The following SEL1L3 variants were observed in gnomAD, a reference collection of about 807,000 sequenced individuals.
SEL1L3 encodes SEL1L family member 3.
A neutral mutation model predicts 142.8 loss-of-function variants in SEL1L3; 76 were observed. The ratio of observed to expected loss-of-function variants is 0.53; its 90% CI spans 0.44 to 0.64. The LOEUF is 0.64. SEL1L3 is among the 30% of genes least tolerant of loss of function. The pLI is 0.00. For missense variants in SEL1L3, 1,262 were observed against 1,381.7 expected, an observed-to-expected ratio of 0.91 and a Z score of 1.37; for synonymous variants, 504 against 519.6, an observed-to-expected ratio of 0.97 and a Z score of 0.41.
chr4:25,789,276 G>A (rs940317707), intron 12 of SEL1L3, among the ~76,000 whole-genome samples: 12 of 152,122 alleles, frequency 7.9e-5, no homozygotes, highest in African/African-American at 2.9e-4. Context: ...ATAGAGAGGA[G>A]GGAGACCTGT....
chr4:25,742,085 T>G, the SEL1L3 span, among the ~76,000 whole-genome samples: 4 of 152,116 alleles, frequency 2.6e-5, no homozygotes, highest in Non-Finnish European at 1.5e-5. Flanking sequence ...TTGCTGGGAT[T>G]ACAAGCGTGA....
chr4:25,758,792 G>T, intron 21 of SEL1L3, 149 bp downstream of exon 21: 1 of 794,808 alleles, frequency 1.3e-6, no homozygotes, highest in Non-Finnish European at 1.8e-6. Flanking sequence ...GGGATTACAA[G>T]TATGAGCCAC....
chr4:25,851,121 G>A (rs1156711518), intron 1 of SEL1L3, among the ~76,000 whole-genome samples: 11 of 152,132 alleles, frequency 7.2e-5, no homozygotes, highest in Admixed American at 5.9e-4. Context: ...AAAGTGCTGG[G>A]ATTACAGGCG....
Position 25,776,296 on chromosome 4 carries a change from C to A in SEL1L3, c.2650G>T (p.Ala884Ser). The A allele has an allele frequency of 1.2e-6, 2 of 1,612,012 alleles. No individual in the cohort carries two copies. Among genetic ancestry groups the A allele is most frequent in the Non-Finnish European group, 1.7e-6 (2 of 1,178,476 alleles). The change falls in exon 17 of 24, where the codon GCC becomes TCC. Residue 884 changes from alanine (A) to serine (S), a missense_variant. Physicochemically the swap from Ala to Ser is moderately conservative, Grantham distance 99. Around this residue, in one of 3 missense-constraint regions of SEL1L3, gnomAD observed 435 missense variants for 559.2 expected, o/e 0.78. Transcript: ENST00000399878. ...GCTTACCATGAACCTTCCAGGTAGG[C>A]ATTGAGGCCTTTGCGGATGACATGG... ...LGHVIRKGLN[A>S]YLEGSWHEAL...
intron 16 of SEL1L3, chr4:25,778,020 CA>C (rs555500399): frequency 6.2e-6 from 2 of 320,706 alleles, no homozygotes; most frequent in South Asian, 5.2e-5. Flanking sequence ...TGGAGCCATA[CA>C]AAACAGGTAC....
chr4:25,764,858 T>A (rs1452501460), intron 20 of SEL1L3, among the ~76,000 whole-genome samples: 1 of 152,184 alleles, frequency 6.6e-6, no homozygotes, highest in Non-Finnish European at 1.5e-5. Context: ...ACCCTTATTG[T>A]TAGTGTCCTC....
chr4:25,726,939 T>C, the SEL1L3 span, among the ~76,000 whole-genome samples: 1 of 152,160 alleles, frequency 6.6e-6, no homozygotes, highest in African/African-American at 2.4e-5. Context: ...TGGTTTCTTC[T>C]GCAGCCTCTC....
chr4:25,814,513 T>C lies in SEL1L3; in HGVS notation c.1564+3625A>G, dbSNP rs141324511. ...TGAAAAATGTAATACAATGAGGATGTTCTAATAAAGTCTATTAATCAACAG... is the reference window on the plus strand; with the variant it reads ...TGAAAAATGTAATACAATGAGGATGCTCTAATAAAGTCTATTAATCAACAG... On this transcript the variant is annotated intron_variant, in intron 9 of 23. Transcript: ENST00000399878. Among the ~76,000 whole-genome samples the C allele has an allele frequency of 2.6e-3, 403 of 152,328 alleles. 2 individuals are homozygous for C. The highest frequency in any genetic ancestry group is 8.9e-3 in the African/African-American group (368 of 41,576).
At chr4:25,762,245 G>A (rs966357089) in intron 20 of SEL1L3, among the ~76,000 whole-genome samples, 1 of 152,166 alleles carries the variant, frequency 6.6e-6, no homozygotes, top group South Asian at 2.1e-4. Context: ...CACTGTGCCC[G>A]GCCTCATAAA....
intron 11 of SEL1L3, among the ~76,000 whole-genome samples, chr4:25,791,699 A>G (rs1402964341): frequency 6.6e-6 from 1 of 152,202 alleles, no homozygotes; most frequent in African/African-American, 2.4e-5. Context: ...GGATCACTTG[A>G]GGTCAGGTGT....
the SEL1L3 span, chr4:25,719,631 A>T: frequency 6.6e-6 from 1 of 152,322 alleles, no homozygotes; most frequent in African/African-American, 2.4e-5. Flanking sequence ...AAAAAATAGT[A>T]GGCTGATGAG....
At chr4:25,802,959 T>C (rs566932324) in intron 10 of SEL1L3, among the ~76,000 whole-genome samples, 1 of 152,320 alleles carries the variant, frequency 6.6e-6, no homozygotes, top group African/African-American at 2.4e-5. Flanking sequence ...TAATGTCAAA[T>C]AGCTTAAAAT....
At chr4:25,805,986 T>A (rs1257302000) in intron 9 of SEL1L3, among the ~76,000 whole-genome samples, 1 of 152,138 alleles carries the variant, frequency 6.6e-6, no homozygotes, top group Non-Finnish European at 1.5e-5. Flanking sequence ...TTTCTTTTTT[T>A]CTTCATTCCG....
chr4:25,785,649 C>T (rs767379046), intron 13 of SEL1L3, among the ~76,000 whole-genome samples: 5 of 152,226 alleles, frequency 3.3e-5, no homozygotes, highest in Admixed American at 1.3e-4. Flanking sequence ...TTCAGAATGG[C>T]ACCACTGCTT....
chr4:25,840,314 T>G (rs1203051618), intron 2 of SEL1L3, among the ~76,000 whole-genome samples: 1 of 152,250 alleles, frequency 6.6e-6, no homozygotes, highest in East Asian at 1.9e-4. Flanking sequence ...GTCTGTTTTT[T>G]TTAATGCCAA....
At chr4:25,863,353 T>C (rs1717884897), upstream of SEL1L3, 2 of 628,836 alleles carry the variant, frequency 3.2e-6, no homozygotes, top group Admixed American at 4.6e-5. Context: ...CCTCTCTTTT[T>C]CACTTTCTCC....
In SEL1L3 at chr4:25,835,234, G is replaced by C. The variant is rs755503491; in HGVS notation, c.823C>G (p.Leu275Val). Residue 275 changes from leucine (L) to valine (V), a missense_variant, in exon 3 of 24, where the codon CTG becomes GTG. Physicochemically the swap from Leu to Val is conservative, Grantham distance 32. This residue lies in a region of SEL1L3 where 689 missense variants were observed against 692.8 expected (regional missense o/e 0.99). Transcript: ENST00000399878. ...ATCCTCTGGCGTCGAGTGGCCTCCA[G>C]CTCTCGGTTCCGAAACCTCGGGAAC... ...KKFPRFRNRE[L>V]EATRRQRMDY... 2 of 1,614,000 alleles carry C rather than the reference G, an allele frequency of 1.2e-6. No individual in the cohort carries two copies.
intron 5 of SEL1L3, among the ~76,000 whole-genome samples, chr4:25,831,510 A>AATAATAATT (rs1439018406): frequency 7.3e-5 from 9 of 122,598 alleles, no homozygotes; most frequent in Admixed American, 4.1e-4. Context: ...TAATAATAAT[A>AATAATAATT]ATTATTATTA....
At chr4:25,854,976 A>T (rs1187894663) in intron 1 of SEL1L3, among the ~76,000 whole-genome samples, 1 of 152,248 alleles carries the variant, frequency 6.6e-6, no homozygotes, top group Non-Finnish European at 1.5e-5. Flanking sequence ...AGAGGGCCTC[A>T]AAATCACCCT....
Sources: gnomAD v4.1 joint callset for allele counts (sites outside exome capture counted in the v4.1 genomes callset) on GRCh38, gnomAD v4.1.1 for gene constraint, gnomAD v4.1.1 regional missense constraint, MANE v1.5 for transcripts, NCBI Gene and HGNC (gene_info 2026-07-23, HGNC 2026-07-21) for gene names.